CADM2: variants seen among roughly 807,000 people sequenced by gnomAD.
CADM2 encodes cell adhesion molecule 2, also known as immunoglobulin superfamily member 4D.
CADM2 carries 12 observed loss-of-function variants against 49.8 expected under a neutral mutation model. The ratio of observed to expected loss-of-function variants is 0.24; its 90% confidence interval spans 0.15 to 0.39. The LOEUF is 0.39. CADM2 is among the 10% of genes least tolerant of loss of function. The pLI, the probability that CADM2 is intolerant of heterozygous loss-of-function variation, is 1.00. For synonymous variants in CADM2, 214 were observed against 175.4 expected, an observed-to-expected ratio of 1.22 and a Z score of -1.74; for missense variants, 378 against 492.3, an observed-to-expected ratio of 0.77 and a Z score of 2.20.
chr3:85,637,837 T>C (rs1408943664), intron 1 of CADM2, among the ~76,000 whole-genome samples: 1 of 151,864 alleles, frequency 6.6e-6, no homozygotes, highest in African/African-American at 2.4e-5. Flanking sequence ...AAAAATAATA[T>C]ATGAGGGAAG....
chr3:85,009,258 C>A (rs551257238), intron 1 of CADM2, among the ~76,000 whole-genome samples: 8 of 152,114 alleles, frequency 5.3e-5, no homozygotes, highest in Admixed American at 6.5e-5. Context: ...GAAGTGGCTT[C>A]AAAAGATTAA....
chr3:85,748,218 T>C (rs1374768203), intron 2 of CADM2, among the ~76,000 whole-genome samples: 3 of 152,006 alleles, frequency 2.0e-5, no homozygotes, highest in Admixed American at 2.0e-4. Flanking sequence ...TCAAAGCCTT[T>C]CTCTCATCAT....
chr3:85,837,290 T>G (rs1197878847), intron 3 of CADM2, among the ~76,000 whole-genome samples: 2 of 151,638 alleles, frequency 1.3e-5, no homozygotes, highest in Admixed American at 1.3e-4. Flanking sequence ...ATGGTAACTG[T>G]TAACTGGATA....
intron 2 of CADM2, among the ~76,000 whole-genome samples, chr3:85,758,403 C>A (rs1283272445): frequency 6.6e-6 from 1 of 152,050 alleles, no homozygotes; most frequent in Non-Finnish European, 1.5e-5. Context: ...GCATTCCCCA[C>A]CCCCATTTAG....
intron 5 of CADM2, among the ~76,000 whole-genome samples, chr3:85,902,823 T>C (rs1175547045): frequency 6.6e-6 from 1 of 151,714 alleles, no homozygotes; most frequent in Non-Finnish European, 1.5e-5. Flanking sequence ...GAAATGCTAC[T>C]ACAATATAGC....
At chr3:86,041,403 G>C (rs1180985162) in intron 8 of CADM2, among the ~76,000 whole-genome samples, 1 of 151,642 alleles carries the variant, frequency 6.6e-6, no homozygotes, top group East Asian at 1.9e-4. Context: ...GAAGCAAATG[G>C]AAAACAAAAA....
intron 1 of CADM2, among the ~76,000 whole-genome samples, chr3:85,708,844 C>T (rs570673902): frequency 1.3e-5 from 2 of 151,770 alleles, no homozygotes; most frequent in African/African-American, 2.4e-5. Flanking sequence ...ACAAAGGTTG[C>T]ACGTGGAAGA....
chr3:86,005,555 T>TAAA (rs1553721577), intron 8 of CADM2, among the ~76,000 whole-genome samples: 20 of 91,834 alleles, frequency 2.2e-4, no homozygotes, highest in African/African-American at 4.9e-4. Context: ...CCGTCTCATA[T>TAAA]AAAAAAAAAA....
At chr3:85,968,849 G>T (rs1725771806) in intron 8 of CADM2, among the ~76,000 whole-genome samples, 1 of 151,670 alleles carries the variant, frequency 6.6e-6, no homozygotes, top group South Asian at 2.1e-4. Context: ...CAGAAACAAT[G>T]GCATTCCTAA....
chr3:85,799,162 G>C (rs996219049), intron 2 of CADM2, among the ~76,000 whole-genome samples: 1 of 152,192 alleles, frequency 6.6e-6, no homozygotes, highest in African/African-American at 2.4e-5. Context: ...AGCTTAAGGA[G>C]TTTTTGGGCT....
intron 1 of CADM2, among the ~76,000 whole-genome samples, chr3:85,262,552 A>G (rs992975286): frequency 7.9e-5 from 12 of 152,138 alleles, no homozygotes; most frequent in Admixed American, 5.2e-4. Flanking sequence ...GTTTTAGAGT[A>G]CACAAAGTGT....
intron 1 of CADM2, among the ~76,000 whole-genome samples, chr3:85,341,249 A>G (rs74967825): frequency 0.071 from 10,739 of 151,902 alleles, 718 homozygotes; most frequent in African/African-American, 0.17. Flanking sequence ...ACAAATTTTT[A>G]TATCATGGTA....
intron 1 of CADM2, among the ~76,000 whole-genome samples, chr3:85,345,927 A>G (rs2030596248): frequency 6.6e-6 from 1 of 152,204 alleles, no homozygotes; most frequent in African/African-American, 2.4e-5. Flanking sequence ...TTCAGAGGCA[A>G]CAATAATATG....
intron 2 of CADM2, among the ~76,000 whole-genome samples, chr3:85,801,545 G>A (rs945293860): frequency 2.0e-5 from 3 of 151,910 alleles, no homozygotes; most frequent in Admixed American, 6.6e-5. Context: ...AGTTAAGTGG[G>A]ATTCATTTTT....
chr3:85,483,552 T>A (rs2039298047), intron 1 of CADM2, among the ~76,000 whole-genome samples: 1 of 150,946 alleles, frequency 6.6e-6, no homozygotes, highest in South Asian at 2.1e-4. Context: ...CAGATACACA[T>A]TTTATAACAT....
At chr3:85,413,871 A>AT (rs111756747) in intron 1 of CADM2, among the ~76,000 whole-genome samples, 6,978 of 148,824 alleles carry the variant, frequency 0.047, 544 homozygotes, top group African/African-American at 0.16. Flanking sequence ...AGCTATTTTA[A>AT]TTTTTTTTTT....
chr3:85,277,963 A>C (rs987122077), intron 1 of CADM2, among the ~76,000 whole-genome samples: 2 of 151,154 alleles, frequency 1.3e-5, no homozygotes, highest in African/African-American at 4.8e-5. Context: ...CTGCTTTCTG[A>C]CCACATGCAA....
intron 8 of CADM2, among the ~76,000 whole-genome samples, chr3:85,996,376 G>T (rs1441060840): frequency 2.8e-5 from 4 of 142,206 alleles, no homozygotes; most frequent in African/African-American, 1.0e-4. Flanking sequence ...TCAGCTCACT[G>T]CAACCTCTGC....
intron 1 of CADM2, among the ~76,000 whole-genome samples, chr3:85,029,834 C>T (rs1404437950): frequency 6.6e-6 from 1 of 152,208 alleles, no homozygotes; most frequent in Non-Finnish European, 1.5e-5. Flanking sequence ...AGTGACACTT[C>T]TTCTCATAAA....
Sources: allele counts gnomAD v4.1 joint callset (sites outside exome capture counted in the v4.1 genomes callset), GRCh38; gene constraint gnomAD v4.1.1; transcripts MANE v1.5; gene names NCBI Gene and HGNC (gene_info 2026-07-23, HGNC 2026-07-21).